PAOX: variants seen among roughly 807,000 people sequenced by gnomAD.
PAOX encodes the protein peroxisomal N(1)-acetyl-spermine/spermidine oxidase.
PAOX carries 38 observed loss-of-function variants against 39.0 expected under a neutral mutation model. The ratio of observed to expected loss-of-function variants is 0.97; its 90% CI spans 0.75 to 1.28. The LOEUF is 1.28. Among genes scored for constraint, PAOX ranks in the 50% most tolerant of loss-of-function variants. The probability of loss-of-function intolerance (pLI) is 0.00; values close to 1 mark genes in which losing one functional copy is unlikely to be tolerated. For missense variants in PAOX, 667 were observed against 685.7 expected (o/e 0.97, Z 0.30); for synonymous variants, 311 against 314.4 (o/e 0.99, Z 0.11).
At chr10:133,383,730 G>A (rs1165663546) in intron 3 of PAOX, among the ~76,000 whole-genome samples, 1 of 152,194 alleles carries the variant, frequency 6.6e-6, no homozygotes, top group East Asian at 1.9e-4. Flanking sequence ...GACTGAGCCA[G>A]GGAGGTCAAG....
In PAOX at chr10:133,389,080, C is replaced by A. The variant is rs974176960; in HGVS notation, c.1234+12C>A. ...CCGGAGAGTGACAGGTAGGTACTCA[C>A]CACACACGCTGGTTCCTGCCTCTGC... On this transcript the variant is annotated intron_variant, in intron 5 of 6. Coordinates refer to ENST00000278060, the MANE Select transcript of PAOX (RefSeq NM_152911.4). 2.5e-6 allele frequency: 4 copies of A among 1,575,256 alleles called. No individual in the cohort carries two copies. The highest frequency in any genetic ancestry group is 3.5e-6 in the Non-Finnish European group (4 of 1,144,664).
In PAOX at chr10:133,380,019, G is replaced by A. The variant is rs12781044; in HGVS notation, c.202G>A (p.Ala68Thr). 5 of 1,515,016 alleles carry A rather than the reference G, an allele frequency of 3.3e-6. No homozygotes were observed. Among genetic ancestry groups the A allele is most frequent in the East Asian group, 2.3e-5 (1 of 44,132 alleles). The allele number at this position is 1,515,016 out of a possible 1,614,324, so 93.8% of individuals were successfully genotyped here. A position where few individuals can be genotyped will look rare whatever the true frequency, so the allele number is the denominator to read the frequency against. The change falls in exon 2 of 7, where the codon GCG (alanine) becomes ACG (threonine). Residue 68 changes from alanine (A) to threonine (T), a missense_variant. By Grantham distance (58) the Ala-to-Thr change is moderately conservative (BLOSUM62 0). Transcript: ENST00000278060. ...CGCAGGTGGCGTGGTGGAGGTGGGC[G>A]CGCACTGGATCCATGGGCCCTCCCG... ...RCFGGVVEVGAHWIHGPSRGN... is the reference protein window; with the variant it reads ...RCFGGVVEVGTHWIHGPSRGN...
Position 133,380,011 on chromosome 10 carries a change from A to G in PAOX, c.194A>G (p.Glu65Gly). Residue 65 changes from glutamate (E) to glycine (G), a missense_variant, in exon 2 of 7, where the codon GAG becomes GGG. Coordinates refer to ENST00000278060, the MANE Select transcript of PAOX (RefSeq NM_152911.4). The stretch of plus-strand genomic sequence containing the variant: ...TGTCCCCTCGCAGGTGGCGTGGTGG[A>G]GGTGGGCGCGCACTGGATCCATGGG... ...RSERCFGGVV[E>G]VGAHWIHGPS... 1 of 1,510,258 alleles carries G rather than the reference A, an allele frequency of 6.6e-7. No homozygotes were observed. The highest frequency in any genetic ancestry group is 2.3e-5 in the East Asian group (1 of 44,008). The allele number at this position is 1,510,258 out of a possible 1,614,324, so 93.6% of individuals were successfully genotyped here. A position where few individuals can be genotyped will look rare whatever the true frequency, so the allele number is the denominator to read the frequency against.
At chr10:133,380,526 G>T in intron 2 of PAOX, 41 bp downstream of exon 2, 1 of 1,546,530 alleles carries the variant, frequency 6.5e-7, no homozygotes, top group Admixed American at 1.8e-5. Flanking sequence ...CTCCCACCAG[G>T]CTCCCCAGGG....
intron 1 of PAOX, 56 bp from the exon 2 acceptor site, chr10:133,379,943 C>A: frequency 5.3e-6 from 8 of 1,500,116 alleles, no homozygotes; most frequent in Non-Finnish European, 7.1e-6. Context: ...GAGAAGGGCT[C>A]GGGGTGACCC....
intron 6 of PAOX, 173 bp from the exon 7 acceptor site, chr10:133,391,139 G>A: frequency 1.4e-6 from 1 of 723,672 alleles, no homozygotes. Context: ...TGTGTGAGCT[G>A]TTTTCCTGGC....
intron 4 of PAOX, among the ~76,000 whole-genome samples, chr10:133,386,834 A>G (rs1203941730): frequency 1.3e-5 from 2 of 152,230 alleles, no homozygotes; most frequent in Non-Finnish European, 1.5e-5. Flanking sequence ...TACTACCTCA[A>G]AAGTCAAGAT....
In PAOX at chr10:133,379,410, C is replaced by G; in HGVS notation, c.94C>G (p.Leu32Val). Residue 32 changes from leucine (L) to valine (V), a missense_variant, in exon 1 of 7, where the codon CTC becomes GTC. Leu to Val is a conservative substitution (Grantham distance 32, BLOSUM62 1). Coordinates refer to ENST00000278060, the MANE Select transcript of PAOX (RefSeq NM_152911.4). ...GIAGLGAAQR[L>V]CGHSAFPHLR... ...CGCGGGGCTGGGCGCGGCGCAGAGG[C>G]TCTGCGGCCACTCCGCCTTCCCGCA... is the stretch of plus-strand genomic sequence containing the variant. 1 of 1,223,490 alleles carries G rather than the reference C, an allele frequency of 8.2e-7. No homozygotes were observed. The highest frequency in any genetic ancestry group is 1.0e-6 in the Non-Finnish European group (1 of 982,792). The allele number at this position is 1,223,490 out of a possible 1,614,324, so 75.8% of individuals were successfully genotyped here.
Position 133,380,097 on chromosome 10 carries a change from G to T in PAOX, c.280G>T (p.Glu94Ter), listed in dbSNP as rs1849317155. ...AAEYGLLGEK[E>*]LSQENQLVET... Reference sequence around the variant, plus strand: ...TGAGTACGGGCTGCTGGGGGAGAAGGAGCTGTCCCAGGAGAACCAGCTGGT... The same window carrying T: ...TGAGTACGGGCTGCTGGGGGAGAAGTAGCTGTCCCAGGAGAACCAGCTGGT... Residue 94 changes from glutamate to a stop codon, truncating the protein, a stop_gained, in exon 2 of 7, where the codon GAG becomes TAG. Coordinates refer to ENST00000278060, the MANE Select transcript of PAOX (RefSeq NM_152911.4). LOFTEE classifies it high-confidence loss of function. The T allele has an allele frequency of 6.4e-7, 1 of 1,556,536 alleles. No homozygotes were observed. The highest frequency in any genetic ancestry group is 1.4e-5 in the African/African-American group (1 of 73,496).
intron 3 of PAOX, among the ~76,000 whole-genome samples, chr10:133,383,330 C>T (rs987944289): frequency 2.0e-5 from 3 of 152,086 alleles, no homozygotes; most frequent in Non-Finnish European, 2.9e-5. Context: ...TGGCCAGGCA[C>T]GGTGGCTCAC....
rs187784659 is a variant in PAOX, at chr10:133,386,984, T to C, written c.1122-1972T>C. Among the ~76,000 whole-genome samples, 5 of 152,350 alleles carry C rather than the reference T, an allele frequency of 3.3e-5. No individual in the cohort carries two copies. The East Asian group carries it at 7.7e-4, about 24-fold the overall frequency. ...TTTTATCTATCCATGGCTTTAGTCATTGGAAAATACTAGGCTGGGCTTGGT... is the reference window on the plus strand; with the variant it reads ...TTTTATCTATCCATGGCTTTAGTCACTGGAAAATACTAGGCTGGGCTTGGT... On this transcript the variant is annotated intron_variant, in intron 4 of 6. Transcript: ENST00000278060.
At chr10:133,388,498 T>C (rs950619300) in intron 4 of PAOX, among the ~76,000 whole-genome samples, 7 of 152,248 alleles carry the variant, frequency 4.6e-5, no homozygotes, top group African/African-American at 1.4e-4. Flanking sequence ...GTAACCCTCA[T>C]GTGCAGTGGT....
At chr10:133,382,790 A>C (rs1234934596) in intron 3 of PAOX, 2 of 151,384 alleles carry the variant, frequency 1.3e-5, no homozygotes, top group African/African-American at 2.4e-5. Flanking sequence ...TCAGAAAAAA[A>C]AAAAAACCAA....
At chr10:133,381,760 C>G (rs1301353505) in intron 3 of PAOX, 101 bp downstream of exon 3, 1 of 1,245,012 alleles carries the variant, frequency 8.0e-7, no homozygotes, top group Non-Finnish European at 1.1e-6. Context: ...GTACGAAGCT[C>G]ACATTTTCGT....
rs1218789322 is a variant in PAOX at position 133,388,554 on chromosome 10, G to T, written c.1122-402G>T. Among the ~76,000 whole-genome samples, 6 of 152,252 alleles carry T rather than the reference G, an allele frequency of 3.9e-5. No individual in the cohort carries two copies. The South Asian group carries it at 6.2e-4, about 16-fold the overall frequency. ...GTGGATCCTGTTGCTGCCTGATTCT[G>T]CTAAGGGACGGTTTACCTGCCCTGG... On this transcript the variant is annotated intron_variant, in intron 4 of 6. Transcript: ENST00000278060.
At position 133,384,110 on chromosome 10, in the gene PAOX, A is replaced by G; in HGVS notation, c.1019A>G (p.Gln340Arg). The part of the protein sequence containing the change: ...PFWEPDCQLI[Q>R]LVWEDTSPLE... The stretch of plus-strand genomic sequence containing the variant: ...TGGGAGCCAGACTGCCAGCTGATCC[A>G]GCTGGTGTGGGAGGACACGTCGCCC... The change falls in exon 4 of 7, where the codon CAG (glutamine) becomes CGG (arginine). Residue 340 changes from glutamine (Q) to arginine (R), a missense_variant. By Grantham distance (43) the Gln-to-Arg change is conservative (BLOSUM62 1). Transcript: ENST00000278060. The surrounding 1 kb of genome is among the most constrained non-coding windows in gnomAD (Gnocchi z 4.3). The G allele has an allele frequency of 6.2e-7, 1 of 1,614,190 alleles. No individual in the cohort carries two copies. Among genetic ancestry groups the G allele is most frequent in the South Asian group, 1.1e-5 (1 of 91,080 alleles).
At chr10:133,386,241 T>C (rs1849529401) in intron 4 of PAOX, among the ~76,000 whole-genome samples, 1 of 151,908 alleles carries the variant, frequency 6.6e-6, no homozygotes, top group African/African-American at 2.4e-5. Context: ...GCCAGGCTGG[T>C]CTCGAACTCC....
At chr10:133,388,393 G>C (rs1162539661) in intron 4 of PAOX, among the ~76,000 whole-genome samples, 1 of 152,182 alleles carries the variant, frequency 6.6e-6, no homozygotes, top group Non-Finnish European at 1.5e-5. Context: ...TTCTGTTCCT[G>C]TGTTAGTTTG....
chr10:133,385,476 C>A (rs1183735560), intron 4 of PAOX, among the ~76,000 whole-genome samples: 1 of 152,164 alleles, frequency 6.6e-6, no homozygotes, highest in Non-Finnish European at 1.5e-5. Flanking sequence ...CTGTCTGTGG[C>A]ACGGGGTGGT....
Sources: allele counts gnomAD v4.1 joint callset (sites outside exome capture counted in the v4.1 genomes callset), GRCh38; gene constraint gnomAD v4.1.1; non-coding constraint Gnocchi (gnomAD v3.1); transcripts MANE v1.5; gene names NCBI Gene and HGNC (gene_info 2026-07-23, HGNC 2026-07-21).